Variants in RIMS2 observed in about 807,000 individuals in gnomAD.
RIMS2 encodes regulating synaptic membrane exocytosis 2, also known as regulating synaptic membrane exocytosis protein 2.
RIMS2 carries 59 observed loss-of-function variants against 174.4 expected under a neutral mutation model. That is an observed-to-expected ratio of 0.34 (90% CI 0.27 to 0.42). The LOEUF (loss-of-function observed/expected upper bound fraction) is 0.42. RIMS2 is among the 10% of genes least tolerant of loss of function. RIMS2 has a pLI of 1.00. For missense variants in RIMS2, 1,620 were observed against 1,666.3 expected (o/e 0.97, Z 0.48); for synonymous variants, 606 against 572.5 (o/e 1.06, Z -0.84).
At chr8:103,825,314 C>T (rs1282942265) in intron 3 of RIMS2, among the ~76,000 whole-genome samples, 3 of 152,046 alleles carry the variant, frequency 2.0e-5, no homozygotes, top group Non-Finnish European at 4.4e-5. Flanking sequence ...GATGTTGTCT[C>T]TCTCTGTCAC....
chr8:104,137,228 TAA>T (rs1331619203), intron 19 of RIMS2, among the ~76,000 whole-genome samples: 2 of 152,204 alleles, frequency 1.3e-5, no homozygotes, highest in Non-Finnish European at 2.9e-5. Context: ...ATAAATCTAA[TAA>T]GTTTGTTTAT....
chr8:103,514,386 G>A (rs552152431), intron 1 of RIMS2, among the ~76,000 whole-genome samples: 11 of 152,158 alleles, frequency 7.2e-5, no homozygotes, highest in African/African-American at 2.7e-4. Flanking sequence ...GATTCCACAT[G>A]TAGAAAACAA....
rs2098929471 is a variant in RIMS2, at chr8:104,179,806, C to CA, written c.3335-65106dup. Among the ~76,000 whole-genome samples, 5 of 151,130 alleles carry CA rather than the reference C, an allele frequency of 3.3e-5. No individual in the cohort carries two copies. In the South Asian group the frequency reaches 1.0e-3, roughly 32 times the overall value. ...ATATCTGCTTTTATTTTTAAAAAGT[C>CA]AAAATAATACAAATACCTATAATAG... On this transcript the variant is annotated intron_variant, in intron 19 of 23. Transcript: ENST00000504942.
At chr8:103,819,584 A>G (rs1289516996) in intron 3 of RIMS2, 22 of 1,613,510 alleles carry the variant, frequency 1.4e-5, no homozygotes, top group African/African-American at 4.0e-5. Context: ...TCCCCACCAA[A>G]TATCTTACAA....
At chr8:103,664,782 GC>G (rs1159401067) in intron 1 of RIMS2, among the ~76,000 whole-genome samples, 4 of 152,246 alleles carry the variant, frequency 2.6e-5, no homozygotes, top group Non-Finnish European at 5.9e-5. Flanking sequence ...CTGGGTATAA[GC>G]CCAAAGGATT....
intron 19 of RIMS2, among the ~76,000 whole-genome samples, chr8:104,057,534 T>C (rs924759067): frequency 2.0e-5 from 3 of 152,048 alleles, no homozygotes; most frequent in Admixed American, 6.6e-5. Flanking sequence ...ATATCCAAAA[T>C]AGTTTAGATA....
chr8:104,111,915 C>T (rs1444792838), intron 19 of RIMS2, among the ~76,000 whole-genome samples: 1 of 152,180 alleles, frequency 6.6e-6, no homozygotes, highest in Non-Finnish European at 1.5e-5. Flanking sequence ...CCCAGTTTCC[C>T]TCTTTATGAA....
intron 4 of RIMS2, among the ~76,000 whole-genome samples, chr8:103,888,481 T>A (rs945437626): frequency 6.6e-5 from 10 of 151,484 alleles, no homozygotes; most frequent in African/African-American, 1.2e-4. Flanking sequence ...TATATCATGA[T>A]ACTAAAAAAT....
intron 19 of RIMS2, among the ~76,000 whole-genome samples, chr8:104,198,816 C>T (rs2099038831): frequency 6.6e-6 from 1 of 152,218 alleles, no homozygotes; most frequent in Non-Finnish European, 1.5e-5. Context: ...CCACCACCAT[C>T]TTCTTAGGGT....
chr8:103,904,121 G>A (rs1220781367), intron 4 of RIMS2, among the ~76,000 whole-genome samples: 3 of 151,998 alleles, frequency 2.0e-5, no homozygotes, highest in Non-Finnish European at 4.4e-5. Flanking sequence ...CATCCCTGAT[G>A]TCTGCCAACC....
chr8:103,560,095 A>G (rs1044230401), intron 1 of RIMS2, among the ~76,000 whole-genome samples: 1 of 152,234 alleles, frequency 6.6e-6, no homozygotes, highest in Non-Finnish European at 1.5e-5. Flanking sequence ...TTATCTTCCA[A>G]GTGTTTACGG....
chr8:103,703,154 G>T (rs2097187041), intron 2 of RIMS2, among the ~76,000 whole-genome samples: 1 of 151,232 alleles, frequency 6.6e-6, no homozygotes, highest in Non-Finnish European at 1.5e-5. Flanking sequence ...CTAATTTTTT[G>T]ATTTTTTTTG....
intron 19 of RIMS2, among the ~76,000 whole-genome samples, chr8:104,036,090 A>G (rs1338471070): frequency 1.3e-5 from 2 of 151,962 alleles, no homozygotes; most frequent in East Asian, 3.8e-4. Context: ...CATCCTTCTT[A>G]TGATAAACAG....
At chr8:104,044,607 T>C (rs1427574962) in intron 19 of RIMS2, among the ~76,000 whole-genome samples, 1 of 151,754 alleles carries the variant, frequency 6.6e-6, no homozygotes, top group Non-Finnish European at 1.5e-5. Flanking sequence ...TCTTCAAATA[T>C]TAAGTTCTAA....
At chr8:103,563,682 T>C (rs540482424) in intron 1 of RIMS2, among the ~76,000 whole-genome samples, 25 of 152,288 alleles carry the variant, frequency 1.6e-4, no homozygotes, top group Non-Finnish European at 3.4e-4. Context: ...AGCACCCCAC[T>C]CCTGGTACCA....
intron 19 of RIMS2, among the ~76,000 whole-genome samples, chr8:104,239,176 A>G (rs2099274097): frequency 6.6e-6 from 1 of 152,202 alleles, no homozygotes; most frequent in Non-Finnish European, 1.5e-5. Context: ...AGCAGAAAGG[A>G]TCTTTTGGTT....
chr8:104,096,737 G>A (rs1389800101), intron 19 of RIMS2, among the ~76,000 whole-genome samples: 1 of 151,966 alleles, frequency 6.6e-6, no homozygotes, highest in South Asian at 2.1e-4. Flanking sequence ...GCGTGGTGGT[G>A]TGCGCCCATA....
chr8:103,983,170 T>C (rs1202157125), intron 16 of RIMS2, among the ~76,000 whole-genome samples: 1 of 152,136 alleles, frequency 6.6e-6, no homozygotes, highest in Non-Finnish European at 1.5e-5. Context: ...ATTAAATACC[T>C]AGAAATTGAC....
At position 103,840,386 on chromosome 8, in the gene RIMS2, C is replaced by G. The variant is rs552269153; in HGVS notation, c.699-44912C>G. Among the ~76,000 whole-genome samples, 3 of 150,892 alleles carry G rather than the reference C, an allele frequency of 2.0e-5. No homozygotes were observed. In the South Asian group the frequency reaches 6.5e-4, roughly 32 times the overall value. On this transcript the variant is annotated intron_variant, in intron 3 of 23. Coordinates refer to ENST00000504942, the Ensembl canonical transcript of RIMS2. The stretch of plus-strand genomic sequence containing the variant: ...TTCATCTTTGTAAAAAGTCATTGTT[C>G]TATTTTTCCCACTAGTTCTACATTG...
Sources: gnomAD v4.1 joint callset for allele counts (sites outside exome capture counted in the v4.1 genomes callset) on GRCh38, gnomAD v4.1.1 for gene constraint, MANE v1.5 for transcripts, NCBI Gene and HGNC (gene_info 2026-07-23, HGNC 2026-07-21) for gene names.